NCAM1: variants seen among roughly 807,000 people sequenced by gnomAD.
The protein encoded by NCAM1 is antigen recognized by monoclonal antibody 5.1H11.
A neutral mutation model predicts 109.8 loss-of-function variants in NCAM1; 14 were observed. That is an observed-to-expected ratio of 0.13 (90% CI 0.08 to 0.20). The LOEUF is 0.20. NCAM1 is among the 10% of genes least tolerant of loss of function. NCAM1 has a pLI of 1.00. For missense variants in NCAM1, 774 were observed against 1,109.9 expected, an observed-to-expected ratio of 0.70 and a Z score of 4.30; for synonymous variants, 418 against 442.9, an observed-to-expected ratio of 0.94 and a Z score of 0.70.
At chr11:113,227,720 A>G (rs1944892530) in intron 9 of NCAM1, among the ~76,000 whole-genome samples, 1 of 152,216 alleles carries the variant, frequency 6.6e-6, no homozygotes, top group Admixed American at 6.5e-5. Flanking sequence ...AAACACATCA[A>G]AAAGCTTATC....
intron 1 of NCAM1, among the ~76,000 whole-genome samples, chr11:112,997,202 T>C (rs1240049881): frequency 6.6e-6 from 1 of 152,176 alleles, no homozygotes; most frequent in African/African-American, 2.4e-5. Context: ...TGGGTGTTAC[T>C]GAACACTGTC....
intron 1 of NCAM1, among the ~76,000 whole-genome samples, chr11:113,165,170 T>C (rs1387182564): frequency 6.6e-6 from 1 of 152,176 alleles, no homozygotes; most frequent in African/African-American, 2.4e-5. Context: ...GCCTGTGGCA[T>C]TGTGGAACCC....
chr11:113,206,625 T>C (rs370276228), intron 5 of NCAM1, among the ~76,000 whole-genome samples: 31 of 152,360 alleles, frequency 2.0e-4, no homozygotes, highest in African/African-American at 6.3e-4. Flanking sequence ...ACCCATGGAA[T>C]TGATCTGACA....
intron 1 of NCAM1, among the ~76,000 whole-genome samples, chr11:113,087,427 T>C (rs1939139607): frequency 6.6e-6 from 1 of 152,246 alleles, no homozygotes; most frequent in African/African-American, 2.4e-5. Flanking sequence ...GTTTGTTGTT[T>C]TGCTTTTTTG....
intron 17 of NCAM1, among the ~76,000 whole-genome samples, chr11:113,266,636 TC>T (rs1233825266): frequency 1.3e-5 from 2 of 152,156 alleles, no homozygotes; most frequent in African/African-American, 4.8e-5. Flanking sequence ...GTGATTCAGA[TC>T]CCATAAAAGT....
intron 1 of NCAM1, among the ~76,000 whole-genome samples, chr11:113,054,966 G>A (rs1471393195): frequency 3.3e-5 from 5 of 152,138 alleles, no homozygotes; most frequent in Admixed American, 2.6e-4. Context: ...ATCTTAGGGC[G>A]ACCTGGCTGG....
chr11:113,034,661 C>T (rs926073583), intron 1 of NCAM1, among the ~76,000 whole-genome samples: 2 of 152,056 alleles, frequency 1.3e-5, no homozygotes, highest in Admixed American at 6.5e-5. Context: ...GGTGTAGGAT[C>T]GTACAGAAGA....
intron 1 of NCAM1, among the ~76,000 whole-genome samples, chr11:113,015,168 A>G (rs1437193192): frequency 2.6e-5 from 4 of 151,810 alleles, no homozygotes; most frequent in Non-Finnish European, 5.9e-5. Flanking sequence ...TTCCCTCAGT[A>G]TTTTCTAGTT....
chr11:113,180,849 G>T (rs149382297), intron 1 of NCAM1, among the ~76,000 whole-genome samples: 3 of 152,308 alleles, frequency 2.0e-5, no homozygotes, highest in African/African-American at 7.2e-5. Flanking sequence ...TGTATAATGG[G>T]TGGGTGGATG....
chr11:113,223,656 T>G (rs149201842), intron 9 of NCAM1, among the ~76,000 whole-genome samples: 2,056 of 152,298 alleles, frequency 0.013, 32 homozygotes, highest in African/African-American at 0.04. Flanking sequence ...AGAAGAGTAT[T>G]GTTCAATTTC....
intron 1 of NCAM1, among the ~76,000 whole-genome samples, chr11:113,145,877 C>G (rs781609057): frequency 6.6e-6 from 1 of 152,016 alleles, no homozygotes; most frequent in Non-Finnish European, 1.5e-5. Flanking sequence ...GCACCAGCAT[C>G]AGGATTTATT....
chr11:112,974,529 G>A (rs1950958958), intron 1 of NCAM1, among the ~76,000 whole-genome samples: 1 of 152,002 alleles, frequency 6.6e-6, no homozygotes, highest in Admixed American at 6.6e-5. Flanking sequence ...ATTGACTTAA[G>A]AGAATCCAAA....
chr11:113,277,849 T>TAAAAAAAAAAAAAAA lies in NCAM1; in HGVS notation c.*2475_*2489dup, dbSNP rs56324717. 1.6e-5 allele frequency: 1 copy of TAAAAAAAAAAAAAAA among 63,250 alleles called. No individual in the cohort carries two copies. Among genetic ancestry groups the TAAAAAAAAAAAAAAA allele is most frequent in the Non-Finnish European group, 2.8e-5 (1 of 35,990 alleles). The allele number at this position is 63,250 out of a possible 1,614,324, so 3.9% of individuals were successfully genotyped here. A position where few individuals can be genotyped will look rare whatever the true frequency, so the allele number is the denominator to read the frequency against. The stretch of plus-strand genomic sequence containing the variant: ...TCTCAGCATGCAAGAGTTTTTCCTT[T>TAAAAAAAAAAAAAAA]AAAAAAAAAAAAAAAAAAAAAAAAA... On this transcript the variant is annotated 3_prime_UTR_variant, in exon 20 of 20. Coordinates refer to ENST00000316851, the MANE Select transcript of NCAM1 (RefSeq NM_181351.5).
chr11:113,225,456 T>C (rs1944815316), intron 9 of NCAM1, among the ~76,000 whole-genome samples: 1 of 152,200 alleles, frequency 6.6e-6, no homozygotes, highest in African/African-American at 2.4e-5. Flanking sequence ...CTACATCTGA[T>C]TGGTGTACCT....
At chr11:113,149,666 T>TA (rs1209426566) in intron 1 of NCAM1, among the ~76,000 whole-genome samples, 29 of 152,254 alleles carry the variant, frequency 1.9e-4, no homozygotes, top group African/African-American at 6.8e-4. Flanking sequence ...TTTATTTTTT[T>TA]ACCTTCACTT....
rs146773608 is a variant in NCAM1 at position 113,164,033 on chromosome 11, G to A, written c.53-38346G>A. 4.6e-4 allele frequency among the ~76,000 whole-genome samples: 70 copies of A among 152,282 alleles called. 1 individual carries two copies. The highest frequency in any genetic ancestry group is 1.7e-3 in the African/African-American group (70 of 41,574). On this transcript the variant is annotated intron_variant, in intron 1 of 19. Transcript: ENST00000316851. Reference sequence around the variant, plus strand: ...ACCACATTATCTTGCAAGGTTGGATGGAGCATCCTCCCTCCCCTTGTGCAG... The same window carrying A: ...ACCACATTATCTTGCAAGGTTGGATAGAGCATCCTCCCTCCCCTTGTGCAG...
chr11:113,037,444 A>T (rs782218228), intron 1 of NCAM1, among the ~76,000 whole-genome samples: 68 of 152,182 alleles, frequency 4.5e-4, no homozygotes, highest in Non-Finnish European at 5.7e-4. Context: ...GTAATAAAAT[A>T]ACAGAAACAA....
chr11:113,208,405 T>G (rs781807118), intron 7 of NCAM1, among the ~76,000 whole-genome samples: 8 of 152,144 alleles, frequency 5.3e-5, no homozygotes, highest in Non-Finnish European at 8.8e-5. Flanking sequence ...TTCTTTCGCT[T>G]TGCTGCACAT....
intron 1 of NCAM1, among the ~76,000 whole-genome samples, chr11:113,153,432 G>A (rs1279679466): frequency 2.0e-5 from 3 of 150,456 alleles, no homozygotes; most frequent in African/African-American, 4.9e-5. Flanking sequence ...CAGTGGGGAG[G>A]GGGGGCACAG....
Sources: allele counts gnomAD v4.1 joint callset (sites outside exome capture counted in the v4.1 genomes callset), GRCh38; gene constraint gnomAD v4.1.1; transcripts MANE v1.5; gene names NCBI Gene and HGNC (gene_info 2026-07-23, HGNC 2026-07-21).